The following HLCS variants were observed in gnomAD, a reference collection of about 807,000 sequenced individuals.
The protein encoded by HLCS is biotin--protein ligase.
In HLCS, 53 loss-of-function variants were observed where a neutral mutation model predicts 75.0. That is an observed-to-expected ratio of 0.71 (90% CI 0.57 to 0.89). The LOEUF is 0.89. HLCS is among the 40% of genes least tolerant of loss of function. The pLI is 0.00. For synonymous variants in HLCS, 431 were observed against 428.6 expected, an observed-to-expected ratio of 1.01 and a Z score of -0.07; for missense variants, 966 against 1,074.0, an observed-to-expected ratio of 0.90 and a Z score of 1.41.
intron 4 of HLCS, among the ~76,000 whole-genome samples, chr21:36,931,260 G>A (rs2066624682): frequency 8.3e-6 from 1 of 120,278 alleles, no homozygotes; most frequent in Non-Finnish European, 1.6e-5. Context: ...TCCAACCTGG[G>A]CAACAAGAGT....
At chr21:36,892,044 T>C (rs2064807869) in intron 6 of HLCS, among the ~76,000 whole-genome samples, 1 of 152,186 alleles carries the variant, frequency 6.6e-6, no homozygotes, top group Non-Finnish European at 1.5e-5. Flanking sequence ...AAAAACTGTC[T>C]AGACAAGATC....
intron 6 of HLCS, among the ~76,000 whole-genome samples, chr21:36,783,422 A>C (rs570451920): frequency 4.6e-5 from 7 of 152,222 alleles, no homozygotes; most frequent in South Asian, 2.1e-4. Flanking sequence ...CTACAACATC[A>C]AAGAGGCAGT....
At chr21:36,758,247 C>T (rs2089681759) in intron 9 of HLCS, among the ~76,000 whole-genome samples, 1 of 152,072 alleles carries the variant, frequency 6.6e-6, no homozygotes, top group Non-Finnish European at 1.5e-5. Context: ...GCTAGGACTA[C>T]AGGCAGGCAC....
chr21:36,897,882 G>A (rs186981287), intron 5 of HLCS, among the ~76,000 whole-genome samples: 123 of 152,196 alleles, frequency 8.1e-4, no homozygotes, highest in African/African-American at 2.8e-3. Flanking sequence ...CCTCCAGGGT[G>A]GTTTATCAGG....
At chr21:36,834,133 C>T (rs367908997) in intron 6 of HLCS, among the ~76,000 whole-genome samples, 50 of 152,324 alleles carry the variant, frequency 3.3e-4, no homozygotes, top group Admixed American at 2.1e-3. Context: ...CTTTGGCGTA[C>T]GCCGGGGTCC....
At chr21:36,809,283 C>T (rs1232191973) in intron 6 of HLCS, among the ~76,000 whole-genome samples, 4 of 151,996 alleles carry the variant, frequency 2.6e-5, no homozygotes, top group Non-Finnish European at 5.9e-5. Flanking sequence ...TATTCCATGC[C>T]GTTCTGGTCT....
At chr21:36,865,045 G>A (rs1427197670) in intron 6 of HLCS, among the ~76,000 whole-genome samples, 11 of 150,938 alleles carry the variant, frequency 7.3e-5, no homozygotes, top group South Asian at 2.1e-4. Flanking sequence ...AGGCTGCTCC[G>A]TCTCAGACAG....
At chr21:36,925,940 G>A (rs2066387254) in intron 5 of HLCS, among the ~76,000 whole-genome samples, 2 of 152,176 alleles carry the variant, frequency 1.3e-5, no homozygotes, top group African/African-American at 4.8e-5. Context: ...TGTTCTGTAA[G>A]GGAAAGGATT....
chr21:36,976,336 C>G (rs2068935611), intron 1 of HLCS, among the ~76,000 whole-genome samples: 1 of 152,126 alleles, frequency 6.6e-6, no homozygotes, highest in African/African-American at 2.4e-5. Context: ...GTTTGTGATA[C>G]CCTTTCTGTA....
chr21:36,772,918 T>C (rs983183486), intron 6 of HLCS, among the ~76,000 whole-genome samples: 4 of 149,304 alleles, frequency 2.7e-5, no homozygotes, highest in African/African-American at 9.9e-5. Flanking sequence ...GAGGCAGAGG[T>C]TGCAGTGAGC....
intron 6 of HLCS, among the ~76,000 whole-genome samples, chr21:36,813,168 C>T (rs530266404): frequency 1.3e-5 from 2 of 152,294 alleles, no homozygotes; most frequent in Admixed American, 6.5e-5. Flanking sequence ...TTTGCTGTAA[C>T]GAGGAATGTC....
At chr21:36,941,187 G>A (rs1425417502) in intron 2 of HLCS, among the ~76,000 whole-genome samples, 1 of 152,172 alleles carries the variant, frequency 6.6e-6, no homozygotes, top group Non-Finnish European at 1.5e-5. Flanking sequence ...ACTCCAGCCT[G>A]GGTGAAAGAG....
At chr21:36,829,502 G>A (rs185033849) in intron 6 of HLCS, among the ~76,000 whole-genome samples, 7 of 151,978 alleles carry the variant, frequency 4.6e-5, no homozygotes, top group African/African-American at 1.7e-4. Context: ...ATAATATACA[G>A]GTATTACTAT....
At position 36,809,604 on chromosome 21, in the gene HLCS, T is replaced by C. The variant is rs139407487; in HGVS notation, c.1893-42319A>G. ...TCAGCTGTTAAGTCCACTCAGTAAA[T>C]TTTTATTTGAGATAACTATTTTCAG... On this transcript the variant is annotated intron_variant, in intron 6 of 10. Coordinates refer to ENST00000674895, the MANE Select transcript of HLCS (RefSeq NM_001352514.2). 9.8e-5 allele frequency among the ~76,000 whole-genome samples: 15 copies of C among 152,340 alleles called. No homozygotes were observed. In the East Asian group the frequency reaches 2.7e-3, roughly 27 times the overall value.
intron 6 of HLCS, among the ~76,000 whole-genome samples, chr21:36,818,941 C>G (rs146361827): frequency 6.6e-6 from 1 of 152,300 alleles, no homozygotes; most frequent in East Asian, 1.9e-4. Context: ...AGTTTTGAGT[C>G]TCTGTTAACA....
At position 36,879,211 on chromosome 21, in the gene HLCS, T is replaced by C. The variant is rs570676272; in HGVS notation, c.1892+17649A>G. ...TAACCCCATTCCTATTCAACTTCTG[T>C]CAATGTCTGCTTTGTTTTATAATTC... On this transcript the variant is annotated intron_variant, in intron 6 of 10. Transcript: ENST00000674895. Among the ~76,000 whole-genome samples, 6 of 152,194 alleles carry C rather than the reference T, an allele frequency of 3.9e-5. No homozygotes were observed. In the South Asian group the frequency reaches 1.0e-3, roughly 26 times the overall value.
At chr21:36,908,832 T>C (rs527745769) in intron 5 of HLCS, among the ~76,000 whole-genome samples, 4 of 152,330 alleles carry the variant, frequency 2.6e-5, no homozygotes, top group East Asian at 3.9e-4. Flanking sequence ...TCTAATCATC[T>C]AGTGATAGAC....
intron 2 of HLCS, among the ~76,000 whole-genome samples, chr21:36,942,213 T>A (rs1263443935): frequency 6.6e-6 from 1 of 151,684 alleles, no homozygotes; most frequent in Non-Finnish European, 1.5e-5. Context: ...CAGATTTGCA[T>A]TAAATTGATA....
chr21:36,786,257 T>C (rs935811270), intron 6 of HLCS, among the ~76,000 whole-genome samples: 2 of 151,966 alleles, frequency 1.3e-5, no homozygotes, highest in Non-Finnish European at 2.9e-5. Context: ...CTTCTGTATA[T>C]GTTTATATAT....
Sources: allele counts gnomAD v4.1 joint callset (sites outside exome capture counted in the v4.1 genomes callset), GRCh38; gene constraint gnomAD v4.1.1; transcripts MANE v1.5; gene names NCBI Gene and HGNC (gene_info 2026-07-23, HGNC 2026-07-21).